The following LDLRAD4 variants were observed in gnomAD, a reference collection of about 807,000 sequenced individuals.
The protein encoded by LDLRAD4 is low-density lipoprotein receptor class A domain-containing protein 4.
Under a neutral mutation model 17.0 loss-of-function variants are expected in LDLRAD4, and 5 were observed. That is an observed-to-expected ratio of 0.29 (90% CI 0.15 to 0.62). LDLRAD4 has a LOEUF of 0.62. LDLRAD4 is among the 20% of genes least tolerant of loss of function. The pLI is 0.84. For missense variants in LDLRAD4, 340 were observed against 424.7 expected (o/e 0.80, Z 1.75); for synonymous variants, 168 against 171.8 (o/e 0.98, Z 0.17).
At chr18:13,489,684 A>G (rs1397238971) in intron 3 of LDLRAD4, 1 of 152,228 alleles carries the variant, frequency 6.6e-6, no homozygotes, top group African/African-American at 2.4e-5. Context: ...GTTGCCTGGA[A>G]TGTGTATTCT....
Position 13,645,372 on chromosome 18 carries a change from C to T in LDLRAD4, c.636C>T (p.Thr212=), listed in dbSNP as rs776474071. 7 of 1,614,052 alleles carry T rather than the reference C, an allele frequency of 4.3e-6. No individual in the cohort carries two copies. In the East Asian group the frequency reaches 1.6e-4, roughly 36 times the overall value. ...CCGTGAGGGCCCCACCCAACCGAAC[C>T]ATATTTGACAGTGATTTAATAGACA... Residue 212 remains threonine (T), a synonymous_variant, in exon 6 of 6, where the codon ACC becomes ACT. Coordinates refer to ENST00000359446, the Ensembl canonical transcript of LDLRAD4. The surrounding 1 kb of genome is among the most constrained non-coding windows in gnomAD (Gnocchi z 5.7).
intron 1 of LDLRAD4, among the ~76,000 whole-genome samples, chr18:13,284,487 C>T (rs1197034303): frequency 2.0e-5 from 3 of 152,072 alleles, no homozygotes; most frequent in African/African-American, 7.2e-5. Flanking sequence ...GCTAAAAAGC[C>T]AGCAAATTTT....
At chr18:13,584,267 TC>T (rs1421523480) in intron 3 of LDLRAD4, among the ~76,000 whole-genome samples, 1 of 152,202 alleles carries the variant, frequency 6.6e-6, no homozygotes, top group Non-Finnish European at 1.5e-5. Flanking sequence ...TGGAATCTTG[TC>T]CCCTCTTTCT....
chr18:13,430,596 G>A (rs530890138), intron 2 of LDLRAD4, among the ~76,000 whole-genome samples: 1 of 152,296 alleles, frequency 6.6e-6, no homozygotes, highest in South Asian at 2.1e-4. Context: ...CTTGATCAGG[G>A]TGCTGGTTAC....
intron 3 of LDLRAD4, among the ~76,000 whole-genome samples, chr18:13,453,897 A>G (rs941936517): frequency 2.0e-5 from 3 of 152,260 alleles, no homozygotes; most frequent in Non-Finnish European, 4.4e-5. Context: ...CTTGATGGAA[A>G]TAGAAAGCTG....
intron 3 of LDLRAD4, among the ~76,000 whole-genome samples, chr18:13,446,076 G>A (rs932892003): frequency 6.6e-6 from 1 of 152,174 alleles, no homozygotes; most frequent in African/African-American, 2.4e-5. Context: ...TCTATTGGAG[G>A]GTCCACTGCT....
rs542474687 is a variant in LDLRAD4, at chr18:13,475,037, T to C, written c.181+36653T>C. ...TGCCCTGGGTCTGGGGTGGCTCCTC[T>C]TGATTGCTGGGAAGCACCCAAAGAA... On this transcript the variant is annotated intron_variant, in intron 3 of 5. Coordinates refer to ENST00000359446, the Ensembl canonical transcript of LDLRAD4. 3.3e-5 allele frequency among the ~76,000 whole-genome samples: 5 copies of C among 152,272 alleles called. No homozygotes were observed. In the East Asian group the frequency reaches 9.7e-4, roughly 30 times the overall value.
At chr18:13,354,648 C>A (rs2083235225) in intron 1 of LDLRAD4, among the ~76,000 whole-genome samples, 1 of 152,164 alleles carries the variant, frequency 6.6e-6, no homozygotes, top group South Asian at 2.1e-4. Flanking sequence ...ATCAGCTGAG[C>A]CTTCTGGTGG....
chr18:13,371,767 AAGAG>A (rs147105801), intron 1 of LDLRAD4, among the ~76,000 whole-genome samples: 1 of 151,648 alleles, frequency 6.6e-6, no homozygotes, highest in Non-Finnish European at 1.5e-5. Context: ...TCTGTCTCAA[AAGAG>A]AGAGAGAGAG....
intron 1 of LDLRAD4, among the ~76,000 whole-genome samples, chr18:13,262,362 G>A (rs1598967837): frequency 7.0e-6 from 1 of 142,632 alleles, no homozygotes; most frequent in South Asian, 2.3e-4. Context: ...GCTGAGTCCC[G>A]TGCGGCCCTG....
At chr18:13,567,282 G>A (rs939404819) in intron 3 of LDLRAD4, among the ~76,000 whole-genome samples, 9 of 152,216 alleles carry the variant, frequency 5.9e-5, no homozygotes, top group Non-Finnish European at 7.3e-5. Flanking sequence ...AGTACCTTGC[G>A]TCTTCCTAAT....
chr18:13,466,936 G>A (rs190403787), intron 3 of LDLRAD4, among the ~76,000 whole-genome samples: 1 of 152,288 alleles, frequency 6.6e-6, no homozygotes, highest in East Asian at 1.9e-4. Context: ...ACCTCCTGAA[G>A]GCTCCACTTC....
intron 2 of LDLRAD4, 102 bp from the exon 4 acceptor site, chr18:13,438,142 A>G (rs1219770658): frequency 8.5e-6 from 9 of 1,060,204 alleles, no homozygotes; most frequent in Non-Finnish European, 1.3e-5. Flanking sequence ...CTCCCAAACA[A>G]TCATGGCATG....
intron 3 of LDLRAD4, among the ~76,000 whole-genome samples, chr18:13,447,808 C>T (rs944596993): frequency 6.6e-6 from 1 of 152,190 alleles, no homozygotes; most frequent in Non-Finnish European, 1.5e-5. Flanking sequence ...ATCCGCTGGG[C>T]CGTGCCAGAC....
chr18:13,308,845 A>G (rs1266829803), intron 1 of LDLRAD4, among the ~76,000 whole-genome samples: 1 of 151,976 alleles, frequency 6.6e-6, no homozygotes, highest in Non-Finnish European at 1.5e-5. Context: ...TTGTCTTTTC[A>G]CTTTGATTTT....
chr18:13,483,876 C>T (rs372809913), intron 3 of LDLRAD4, among the ~76,000 whole-genome samples: 4 of 152,270 alleles, frequency 2.6e-5, no homozygotes, highest in African/African-American at 9.6e-5. Flanking sequence ...ATGAAGGTCT[C>T]TCTCCTCTCA....
intron 3 of LDLRAD4, among the ~76,000 whole-genome samples, chr18:13,451,852 C>T (rs953080259): frequency 4.6e-5 from 7 of 152,238 alleles, no homozygotes; most frequent in African/African-American, 1.7e-4. Flanking sequence ...CCAAAGGTCT[C>T]ACCTCCTAAG....
intron 1 of LDLRAD4, among the ~76,000 whole-genome samples, chr18:13,283,242 A>G (rs1259660448): frequency 1.3e-5 from 2 of 152,166 alleles, no homozygotes; most frequent in Admixed American, 6.5e-5. Flanking sequence ...ATTTATGCAC[A>G]TTTCTGCAGC....
chr18:13,349,731 G>C (rs1415028100), intron 1 of LDLRAD4, among the ~76,000 whole-genome samples: 1 of 152,110 alleles, frequency 6.6e-6, no homozygotes, highest in Non-Finnish European at 1.5e-5. Context: ...CTGTCGTCTA[G>C]GTTTTAAGCC....
Sources: gnomAD v4.1 joint callset for allele counts (sites outside exome capture counted in the v4.1 genomes callset) on GRCh38, gnomAD v4.1.1 for gene constraint, Gnocchi (gnomAD v3.1) non-coding constraint, MANE v1.5 for transcripts, NCBI Gene and HGNC (gene_info 2026-07-23, HGNC 2026-07-21) for gene names.